Variants in SLC24A3 observed in about 807,000 individuals in gnomAD.
SLC24A3 encodes the protein sodium/potassium/calcium exchanger 3.
In SLC24A3, 28 loss-of-function variants were observed where a neutral mutation model predicts 75.8. The observed-to-expected ratio is 0.37, with a 90% CI of 0.27 to 0.51. The LOEUF (loss-of-function observed/expected upper bound fraction) is 0.51, where lower values mean the gene tolerates loss of function less well. Ranked by LOEUF, SLC24A3 falls within the 20% of genes least tolerant of loss-of-function variation. The probability of loss-of-function intolerance (pLI) is 0.94; values close to 1 mark genes in which losing one functional copy is unlikely to be tolerated. For synonymous variants in SLC24A3, 372 were observed against 334.1 expected, an observed-to-expected ratio of 1.11 and a Z score of -1.24; for missense variants, 663 against 847.8, an observed-to-expected ratio of 0.78 and a Z score of 2.71.
At chr20:19,246,728 A>G (rs1285067571) in intron 1 of SLC24A3, among the ~76,000 whole-genome samples, 1 of 152,148 alleles carries the variant, frequency 6.6e-6, no homozygotes, top group African/African-American at 2.4e-5. Flanking sequence ...ACATTTTTAA[A>G]ATTTGAGCCT....
chr20:19,390,982 T>C (rs191487488), intron 2 of SLC24A3, among the ~76,000 whole-genome samples: 34 of 152,114 alleles, frequency 2.2e-4, no homozygotes, highest in Non-Finnish European at 5.9e-5. Context: ...AGCCTTGGGC[T>C]CTGGAGGCTG....
At chr20:19,373,665 A>T (rs1482400316) in intron 2 of SLC24A3, among the ~76,000 whole-genome samples, 1 of 152,160 alleles carries the variant, frequency 6.6e-6, no homozygotes, top group African/African-American at 2.4e-5. Context: ...CACCCTATAG[A>T]TTCTTAGTTC....
chr20:19,349,868 A>G (rs1423979098), intron 2 of SLC24A3, among the ~76,000 whole-genome samples: 2 of 151,970 alleles, frequency 1.3e-5, no homozygotes, highest in African/African-American at 4.8e-5. Context: ...TCATCCTTTG[A>G]TTTGCTCTGG....
chr20:19,580,182 G>A (rs2031199601), intron 4 of SLC24A3, 108 bp downstream of exon 4: 4 of 844,458 alleles, frequency 4.7e-6, no homozygotes, highest in East Asian at 5.0e-5. Flanking sequence ...TCGCAGGGCA[G>A]CTGCAGCGGG....
At chr20:19,625,147 C>A (rs2031852318) in intron 6 of SLC24A3, among the ~76,000 whole-genome samples, 1 of 151,882 alleles carries the variant, frequency 6.6e-6, no homozygotes. Flanking sequence ...CCCATTACTT[C>A]TATTGCATCC....
rs77291687 is a variant in SLC24A3, at chr20:19,364,647, G to T, written c.271+83560G>T. On this transcript the variant is annotated intron_variant, in intron 2 of 16. Transcript: ENST00000328041. ...TTTCTGTATTTTTTGTAGACGTGGG[G>T]TTTTGCCATGTTGCCCAGGCTGGTC... is the stretch of plus-strand genomic sequence containing the variant. 2.6e-3 allele frequency among the ~76,000 whole-genome samples: 398 copies of T among 152,198 alleles called. 3 individuals are homozygous for T. The highest frequency in any genetic ancestry group is 9.3e-3 in the African/African-American group (388 of 41,530).
At chr20:19,283,604 G>A (rs961469421) in intron 2 of SLC24A3, among the ~76,000 whole-genome samples, 1 of 152,084 alleles carries the variant, frequency 6.6e-6, no homozygotes, top group African/African-American at 2.4e-5. Flanking sequence ...ACATCTCAAG[G>A]GTGTAGAGCA....
At chr20:19,309,895 A>C (rs573333764) in intron 2 of SLC24A3, among the ~76,000 whole-genome samples, 5 of 152,078 alleles carry the variant, frequency 3.3e-5, no homozygotes, top group Non-Finnish European at 7.4e-5. Flanking sequence ...CCAAGCTTTC[A>C]CGCCCCAGGA....
intron 2 of SLC24A3, among the ~76,000 whole-genome samples, chr20:19,469,086 C>A (rs1448861255): frequency 6.6e-6 from 1 of 152,054 alleles, no homozygotes; most frequent in East Asian, 1.9e-4. Context: ...AGAGCATGAT[C>A]ATTAGGAAAA....
At chr20:19,325,198 C>G (rs958241658) in intron 2 of SLC24A3, among the ~76,000 whole-genome samples, 1 of 151,774 alleles carries the variant, frequency 6.6e-6, no homozygotes, top group Non-Finnish European at 1.5e-5. Flanking sequence ...GAGGCTGAGA[C>G]AAGGGGATCA....
intron 6 of SLC24A3, among the ~76,000 whole-genome samples, chr20:19,650,856 C>T (rs1423074372): frequency 6.6e-6 from 1 of 152,076 alleles, no homozygotes; most frequent in Non-Finnish European, 1.5e-5. Flanking sequence ...ATGTTCTATT[C>T]TTAGAGCTCT....
intron 1 of SLC24A3, among the ~76,000 whole-genome samples, chr20:19,250,626 A>C (rs1982625328): frequency 6.6e-6 from 1 of 152,166 alleles, no homozygotes; most frequent in African/African-American, 2.4e-5. Context: ...CTAGAGAGAG[A>C]GGTTCATAGT....
At chr20:19,646,004 A>G (rs1015644221) in intron 6 of SLC24A3, among the ~76,000 whole-genome samples, 7 of 152,146 alleles carry the variant, frequency 4.6e-5, no homozygotes, top group Non-Finnish European at 1.0e-4. Context: ...GCAGTGAGCC[A>G]AGATTGCACC....
chr20:19,431,180 T>C (rs1024218527), intron 2 of SLC24A3, among the ~76,000 whole-genome samples: 1 of 151,984 alleles, frequency 6.6e-6, no homozygotes, highest in African/African-American at 2.4e-5. Context: ...CAGCCCCATG[T>C]GACATCCCAA....
At chr20:19,615,963 T>C (rs1456369906) in intron 6 of SLC24A3, among the ~76,000 whole-genome samples, 1 of 152,196 alleles carries the variant, frequency 6.6e-6, no homozygotes, top group African/African-American at 2.4e-5. Flanking sequence ...ATGGTGGGAC[T>C]TCACCTTGTA....
chr20:19,218,974 T>C (rs4814833), intron 1 of SLC24A3, among the ~76,000 whole-genome samples: 12,140 of 152,142 alleles, frequency 0.08, 1,973 homozygotes, highest in East Asian at 0.7. Context: ...GAAGGTAATT[T>C]GGATTTTTTT....
chr20:19,620,975 ACT>A (rs1164897754), intron 6 of SLC24A3, among the ~76,000 whole-genome samples: 2 of 152,068 alleles, frequency 1.3e-5, no homozygotes, highest in Non-Finnish European at 2.9e-5. Context: ...GAAAAGTAAA[ACT>A]CTCCAAGCTG....
At chr20:19,309,951 C>A (rs1318661287) in intron 2 of SLC24A3, among the ~76,000 whole-genome samples, 1 of 152,114 alleles carries the variant, frequency 6.6e-6, no homozygotes, top group Non-Finnish European at 1.5e-5. Flanking sequence ...AAGCATCACA[C>A]TCTTCCTGCT....
chr20:19,359,600 A>C (rs915945200), intron 2 of SLC24A3, among the ~76,000 whole-genome samples: 1 of 152,202 alleles, frequency 6.6e-6, no homozygotes, highest in Non-Finnish European at 1.5e-5. Context: ...CTATCCTCCC[A>C]GTGACCCCTG....
Sources: gnomAD v4.1 joint callset for allele counts (sites outside exome capture counted in the v4.1 genomes callset) on GRCh38, gnomAD v4.1.1 for gene constraint, MANE v1.5 for transcripts, NCBI Gene and HGNC (gene_info 2026-07-23, HGNC 2026-07-21) for gene names.